CDH4: variants seen among roughly 807,000 people sequenced by gnomAD.
CDH4 encodes the protein cadherin-4.
Under a neutral mutation model 86.0 loss-of-function variants are expected in CDH4, and 33 were observed. That is an observed-to-expected ratio of 0.38 (90% CI 0.29 to 0.51). The LOEUF (loss-of-function observed/expected upper bound fraction) is 0.51, where lower values mean the gene tolerates loss of function less well. Ranked by LOEUF, CDH4 falls within the 20% of genes least tolerant of loss-of-function variation. CDH4 has a pLI of 0.86. For missense variants in CDH4, 1,114 were observed against 1,307.4 expected (o/e 0.85, Z 2.28); for synonymous variants, 555 against 549.4 (o/e 1.01, Z -0.14).
intron 4 of CDH4, among the ~76,000 whole-genome samples, chr20:61,816,100 G>T (rs34390022): frequency 0.42 from 63,334 of 152,074 alleles, 16,023 homozygotes; most frequent in Non-Finnish European, 0.58. Context: ...CAGAAGGGCA[G>T]CTGGGGGGCC....
intron 6 of CDH4, among the ~76,000 whole-genome samples, chr20:61,857,286 G>A (rs970218316): frequency 2.0e-5 from 3 of 152,256 alleles, no homozygotes; most frequent in African/African-American, 4.8e-5. Flanking sequence ...CGTTCCCACC[G>A]AGGCCTTCGG....
intron 2 of CDH4, among the ~76,000 whole-genome samples, chr20:61,550,615 A>C (rs903473221): frequency 2.0e-5 from 3 of 150,718 alleles, no homozygotes; most frequent in Non-Finnish European, 4.4e-5. Context: ...CTCCTCCCTG[A>C]TAGTTCATAT....
intron 7 of CDH4, among the ~76,000 whole-genome samples, chr20:61,881,476 C>T (rs930846716): frequency 2.0e-5 from 3 of 152,242 alleles, no homozygotes; most frequent in Non-Finnish European, 2.9e-5. Context: ...CAACATGAAC[C>T]GTGGCCAGGA....
chr20:61,464,841 T>C (rs1233729712), intron 2 of CDH4, among the ~76,000 whole-genome samples: 1 of 152,228 alleles, frequency 6.6e-6, no homozygotes, highest in East Asian at 1.9e-4. Flanking sequence ...GACTTGGAGC[T>C]GTTACCAAAC....
intron 3 of CDH4, among the ~76,000 whole-genome samples, chr20:61,748,110 G>A (rs576840210): frequency 1.3e-5 from 2 of 152,248 alleles, no homozygotes; most frequent in Admixed American, 6.5e-5. Flanking sequence ...TTGGAAGACC[G>A]TTCCATTCCA....
chr20:61,731,695 G>A (rs917311005), intron 2 of CDH4, among the ~76,000 whole-genome samples: 22 of 152,362 alleles, frequency 1.4e-4, no homozygotes, highest in Admixed American at 6.5e-4. Flanking sequence ...CCGTGCAGAC[G>A]CTGCCACATC....
chr20:61,914,972 C>A (rs565429610), intron 9 of CDH4, among the ~76,000 whole-genome samples: 208 of 152,284 alleles, frequency 1.4e-3, no homozygotes, highest in Non-Finnish European at 2.0e-3. Context: ...CACCCTGAAA[C>A]TCCCAGGGAG....
intron 8 of CDH4, among the ~76,000 whole-genome samples, chr20:61,895,842 G>A (rs1232051930): frequency 6.6e-6 from 1 of 152,230 alleles, no homozygotes; most frequent in East Asian, 1.9e-4. Context: ...GTGACACGGT[G>A]TCCCCAGGCT....
chr20:61,347,723 C>T (rs759391379), intron 2 of CDH4, among the ~76,000 whole-genome samples: 72 of 152,278 alleles, frequency 4.7e-4, no homozygotes, highest in Middle Eastern at 3.4e-3. Context: ...CTGGTGTTTG[C>T]GAAGCGCCAA....
chr20:61,600,540 T>C (rs2086592299), intron 2 of CDH4, among the ~76,000 whole-genome samples: 1 of 152,148 alleles, frequency 6.6e-6, no homozygotes, highest in African/African-American at 2.4e-5. Context: ...CAGAAATGAA[T>C]GCCCGCAACT....
At chr20:61,798,866 A>T (rs942601347) in intron 4 of CDH4, among the ~76,000 whole-genome samples, 2 of 152,148 alleles carry the variant, frequency 1.3e-5, no homozygotes, top group African/African-American at 4.8e-5. Context: ...GCTCACGTCG[A>T]TGCGTCCTTT....
At chr20:61,549,404 G>A (rs528979812) in intron 2 of CDH4, among the ~76,000 whole-genome samples, 8 of 152,308 alleles carry the variant, frequency 5.3e-5, no homozygotes, top group South Asian at 4.1e-4. Context: ...CATCCTGCTG[G>A]TGTCTGTTCA....
chr20:61,916,550 C>A (rs1015336817), intron 9 of CDH4, among the ~76,000 whole-genome samples: 1 of 152,360 alleles, frequency 6.6e-6, no homozygotes, highest in Middle Eastern at 3.4e-3. Context: ...TCATCCTCAT[C>A]GTCTTCATTG....
chr20:61,459,408 T>C (rs1160063104), intron 2 of CDH4, among the ~76,000 whole-genome samples: 1 of 151,766 alleles, frequency 6.6e-6, no homozygotes, highest in East Asian at 1.9e-4. Flanking sequence ...GGTTCCCACC[T>C]GATCACACTG....
chr20:61,892,674 A>G (rs1035308439), intron 7 of CDH4, among the ~76,000 whole-genome samples: 4 of 152,236 alleles, frequency 2.6e-5, no homozygotes, highest in African/African-American at 7.2e-5. Flanking sequence ...CTTTTGCTGC[A>G]TAATAAAAGA....
At chr20:61,673,619 AATAT>A (rs2087414432) in intron 2 of CDH4, among the ~76,000 whole-genome samples, 1 of 152,172 alleles carries the variant, frequency 6.6e-6, no homozygotes, top group Non-Finnish European at 1.5e-5. Context: ...CCCGTTCTTG[AATAT>A]TTATCCATCC....
chr20:61,395,953 A>G (rs1053827637), intron 2 of CDH4, among the ~76,000 whole-genome samples: 9 of 152,152 alleles, frequency 5.9e-5, no homozygotes, highest in African/African-American at 2.2e-4. Context: ...GGATGATTTC[A>G]TCAATTTAAT....
At chr20:61,562,021 G>A (rs1482880366) in intron 2 of CDH4, among the ~76,000 whole-genome samples, 4 of 151,448 alleles carry the variant, frequency 2.6e-5, no homozygotes, top group Admixed American at 2.6e-4. Flanking sequence ...CCCGGAGAGA[G>A]AGAGGGGCCT....
intron 3 of CDH4, among the ~76,000 whole-genome samples, chr20:61,763,448 G>T (rs1048902095): frequency 6.6e-6 from 1 of 152,184 alleles, no homozygotes; most frequent in African/African-American, 2.4e-5. Flanking sequence ...GCATTTTCAC[G>T]CAATGGCTAC....
Sources: allele counts gnomAD v4.1 joint callset (sites outside exome capture counted in the v4.1 genomes callset), GRCh38; gene constraint gnomAD v4.1.1; transcripts MANE v1.5; gene names NCBI Gene and HGNC (gene_info 2026-07-23, HGNC 2026-07-21).